IFT43: variants seen among roughly 807,000 people sequenced by gnomAD.
IFT43 encodes the protein intraflagellar transport 43.
IFT43 carries 33 observed loss-of-function variants against 32.3 expected under a neutral mutation model. The observed-to-expected ratio is 1.02, with a 90% CI of 0.77 to 1.37. The LOEUF (loss-of-function observed/expected upper bound fraction) is 1.37. Among genes scored for constraint, IFT43 ranks in the 40% most tolerant of loss-of-function variants. The pLI is 0.00. For synonymous variants in IFT43, 93 were observed against 98.2 expected, an observed-to-expected ratio of 0.95 and a Z score of 0.31; for missense variants, 274 against 265.9, an observed-to-expected ratio of 1.03 and a Z score of -0.21.
chr14:76,072,250 T>A (rs1334595502), intron 5 of IFT43, among the ~76,000 whole-genome samples: 1 of 152,168 alleles, frequency 6.6e-6, no homozygotes, highest in African/African-American at 2.4e-5. Flanking sequence ...GAACCTATTT[T>A]AGGGCTGGAG....
chr14:76,050,466 G>T (rs2036892923), intron 3 of IFT43, among the ~76,000 whole-genome samples: 1 of 152,068 alleles, frequency 6.6e-6, no homozygotes, highest in African/African-American at 2.4e-5. Flanking sequence ...TGTGGTGGGA[G>T]TCTTTTGTTT....
chr14:75,992,126 G>A (rs1285256578), intron 2 of IFT43, among the ~76,000 whole-genome samples: 1 of 152,204 alleles, frequency 6.6e-6, no homozygotes, highest in Non-Finnish European at 1.5e-5. Context: ...CAAACACATG[G>A]TTATTTTAAA....
At chr14:76,080,155 A>G (rs534706087) in intron 5 of IFT43, among the ~76,000 whole-genome samples, 1 of 152,314 alleles carries the variant, frequency 6.6e-6, no homozygotes, top group South Asian at 2.1e-4. Context: ...CTGCACAAGA[A>G]TGTTCCAGCT....
In IFT43 at chr14:75,988,951, A is replaced by G; in HGVS notation, c.121A>G (p.Asn41Asp). 1 of 1,614,058 alleles carries G rather than the reference A, an allele frequency of 6.2e-7. No homozygotes were observed. The highest frequency in any genetic ancestry group is 8.5e-7 in the Non-Finnish European group (1 of 1,180,036). Reference protein sequence around the residue: ...AQAENHLNGKNSSLTLTGETS... With the variant: ...AQAENHLNGKDSSLTLTGETS... ...GGCCGAGAATCACCTCAATGGCAAG[A>G]ATTCCTCTTTGACTCTGACTGGAGA... Residue 41 changes from asparagine (N) to aspartate (D), a missense_variant, in exon 2 of 9, where the codon AAT becomes GAT. Physicochemically the swap from Asn to Asp is conservative, Grantham distance 23 (BLOSUM62 1). Coordinates refer to ENST00000314067, the MANE Select transcript of IFT43 (RefSeq NM_001102564.3).
At chr14:76,083,968 C>T (rs1236253960), downstream of IFT43, 8 of 460,858 alleles carry the variant, frequency 1.7e-5, no homozygotes, top group South Asian at 1.2e-4. Context: ...GCCTCCCTTC[C>T]CGTGGGTGCT....
At chr14:76,033,859 A>T (rs2036550985) in intron 3 of IFT43, among the ~76,000 whole-genome samples, 1 of 152,248 alleles carries the variant, frequency 6.6e-6, no homozygotes, top group Non-Finnish European at 1.5e-5. Context: ...AGTGAGGAAC[A>T]AATGAATGAG....
At chr14:75,999,025 A>G (rs2139887515) in intron 2 of IFT43, among the ~76,000 whole-genome samples, 1 of 151,880 alleles carries the variant, frequency 6.6e-6, no homozygotes, top group East Asian at 1.9e-4. Flanking sequence ...GTGAGCCACT[A>G]TGCCTAGTTC....
At chr14:76,053,467 C>A (rs879427544) in intron 3 of IFT43, among the ~76,000 whole-genome samples, 7 of 152,138 alleles carry the variant, frequency 4.6e-5, no homozygotes, top group Non-Finnish European at 8.8e-5. Flanking sequence ...ATGCAAGTCA[C>A]GACAGCAAGA....
At chr14:75,996,118 C>T (rs2035742547) in intron 2 of IFT43, among the ~76,000 whole-genome samples, 1 of 152,166 alleles carries the variant, frequency 6.6e-6, no homozygotes, top group African/African-American at 2.4e-5. Context: ...AGTTGGTGCT[C>T]AAAGAGCACT....
intron 2 of IFT43, among the ~76,000 whole-genome samples, chr14:76,011,168 C>T (rs1404613101): frequency 6.6e-6 from 1 of 152,092 alleles, no homozygotes; most frequent in Non-Finnish European, 1.5e-5. Context: ...CCTCAGCTTC[C>T]CAAAGTGTTG....
At chr14:76,011,250 TC>T (rs1368492424) in intron 2 of IFT43, among the ~76,000 whole-genome samples, 2 of 152,182 alleles carry the variant, frequency 1.3e-5, no homozygotes, top group African/African-American at 4.8e-5. Flanking sequence ...TTTGAAGAGA[TC>T]AGGCCAGTTC....
chr14:76,050,914 G>A (rs1214819929), intron 3 of IFT43, among the ~76,000 whole-genome samples: 4 of 152,042 alleles, frequency 2.6e-5, no homozygotes, highest in African/African-American at 7.2e-5. Context: ...TACTCAAAGC[G>A]TTTCTGTGTA....
intron 3 of IFT43, among the ~76,000 whole-genome samples, chr14:76,027,657 C>T (rs913528714): frequency 8.8e-5 from 13 of 148,336 alleles, no homozygotes; most frequent in African/African-American, 2.8e-4. Flanking sequence ...TGCAGTGAGC[C>T]GAGATTGTGC....
intron 5 of IFT43, among the ~76,000 whole-genome samples, chr14:76,073,671 GT>G (rs2037361362): frequency 6.6e-6 from 1 of 152,178 alleles, no homozygotes; most frequent in Non-Finnish European, 1.5e-5. Flanking sequence ...GTCCAAAAGT[GT>G]GGTTGACAGA....
At chr14:76,076,365 A>G (rs918252820) in intron 5 of IFT43, among the ~76,000 whole-genome samples, 1 of 152,228 alleles carries the variant, frequency 6.6e-6, no homozygotes, top group African/African-American at 2.4e-5. Flanking sequence ...AGGGAATCCT[A>G]TTCAGAAATC....
intron 5 of IFT43, among the ~76,000 whole-genome samples, chr14:76,067,368 C>T (rs1054073070): frequency 6.6e-6 from 1 of 151,962 alleles, no homozygotes; most frequent in Non-Finnish European, 1.5e-5. Flanking sequence ...GAGTTTGAGA[C>T]CAACCTGGCC....
intron 5 of IFT43, among the ~76,000 whole-genome samples, chr14:76,076,893 A>G (rs962857144): frequency 1.6e-4 from 24 of 151,982 alleles, no homozygotes; most frequent in African/African-American, 4.6e-4. Context: ...ATAAGTTTCT[A>G]TTTATTTAGG....
At chr14:76,000,419 C>T (rs2035862231) in intron 2 of IFT43, among the ~76,000 whole-genome samples, 1 of 151,172 alleles carries the variant, frequency 6.6e-6, no homozygotes, top group Non-Finnish European at 1.5e-5. Context: ...CGCCTGCCAC[C>T]ACGCCAGGCT....
chr14:76,075,411 C>G (rs1052318046), intron 5 of IFT43, among the ~76,000 whole-genome samples: 2 of 152,214 alleles, frequency 1.3e-5, no homozygotes, highest in African/African-American at 4.8e-5. Context: ...CTGAGACTGC[C>G]TCTTTCCCTT....
Sources: gnomAD v4.1 joint callset for allele counts (sites outside exome capture counted in the v4.1 genomes callset) on GRCh38, gnomAD v4.1.1 for gene constraint, MANE v1.5 for transcripts, NCBI Gene and HGNC (gene_info 2026-07-23, HGNC 2026-07-21) for gene names.